The following IL22RA2 variants were observed in gnomAD, a reference collection of about 807,000 sequenced individuals.
IL22RA2 encodes interleukin 22 receptor subunit alpha 2, also known as interleukin-22 receptor subunit alpha-2.
Under a neutral mutation model 30.7 loss-of-function variants are expected in IL22RA2, and 39 were observed. That is an observed-to-expected ratio of 1.27 (90% CI 0.98 to 1.66). The LOEUF (loss-of-function observed/expected upper bound fraction) is 1.66. Ranked by LOEUF, IL22RA2 falls within the 40% of genes most tolerant of loss-of-function variation. The pLI is 0.00. For missense variants in IL22RA2, 315 were observed against 312.7 expected (o/e 1.01, Z -0.05); for synonymous variants, 103 against 105.0 (o/e 0.98, Z 0.11).
chr6:137,162,153 G>A (rs558882008), intron 1 of IL22RA2, among the ~76,000 whole-genome samples: 25 of 152,260 alleles, frequency 1.6e-4, no homozygotes, highest in African/African-American at 2.4e-4. Flanking sequence ...CCCAGGAGGC[G>A]GAGAGGCTGC....
At chr6:137,145,954 G>A (rs1437744273) in intron 6 of IL22RA2, among the ~76,000 whole-genome samples, 181 bp from the exon 7 acceptor site, 1 of 152,234 alleles carries the variant, frequency 6.6e-6, no homozygotes, top group Admixed American at 6.5e-5. Flanking sequence ...GACAAGGCAA[G>A]TGGCTGTGTA....
chr6:137,163,432 C>A (rs1778564206), intron 1 of IL22RA2, among the ~76,000 whole-genome samples: 1 of 152,140 alleles, frequency 6.6e-6, no homozygotes, highest in Non-Finnish European at 1.5e-5. Context: ...TGGGTTAGAG[C>A]CCCAGGACAT....
intron 1 of IL22RA2, among the ~76,000 whole-genome samples, chr6:137,168,564 GGA>G (rs1276796949): frequency 6.6e-6 from 1 of 152,162 alleles, no homozygotes; most frequent in Non-Finnish European, 1.5e-5. Flanking sequence ...GGCCATAATA[GGA>G]GAGTCCGAAA....
chr6:137,168,913 C>A (rs1778678759), intron 1 of IL22RA2, among the ~76,000 whole-genome samples: 1 of 152,148 alleles, frequency 6.6e-6, no homozygotes, highest in Non-Finnish European at 1.5e-5. Context: ...TCTGAAGTAT[C>A]AAAAATTCAA....
intron 1 of IL22RA2, among the ~76,000 whole-genome samples, chr6:137,164,283 C>T (rs181688669): frequency 9.2e-5 from 14 of 152,190 alleles, no homozygotes; most frequent in South Asian, 6.2e-4. Context: ...GATAATTGGC[C>T]GAGTGTTTCG....
In IL22RA2 at chr6:137,167,859, C is replaced by T. The variant is rs991446972; in HGVS notation, c.-66+5554G>A. ...GCACGGCTGAAGCTTGAGGAAACATCGAGCCCTGTTCTAGTCACACAAATG... is the reference window on the plus strand; with the variant it reads ...GCACGGCTGAAGCTTGAGGAAACATTGAGCCCTGTTCTAGTCACACAAATG... On this transcript the variant is annotated intron_variant, in intron 1 of 6. Transcript: ENST00000296980. 9.8e-5 allele frequency among the ~76,000 whole-genome samples: 15 copies of T among 152,310 alleles called. No individual in the cohort carries two copies. The South Asian group carries it at 2.3e-3, about 23-fold the overall frequency.
At chr6:137,153,427 A>G (rs746373260) in intron 5 of IL22RA2, among the ~76,000 whole-genome samples, 4 of 152,134 alleles carry the variant, frequency 2.6e-5, no homozygotes, top group Non-Finnish European at 5.9e-5. Context: ...ATATGGTGCT[A>G]TTTCTTCCAC....
intron 1 of IL22RA2, among the ~76,000 whole-genome samples, chr6:137,172,509 G>A (rs2114406019): frequency 6.6e-6 from 1 of 152,352 alleles, no homozygotes; most frequent in Middle Eastern, 3.4e-3. Flanking sequence ...CAATCTGGAA[G>A]CAGAAGAATT....
Position 137,158,345 on chromosome 6 carries a change from A to T in IL22RA2, c.197+2T>A. The T allele has an allele frequency of 6.2e-7, 1 of 1,613,988 alleles. No individual in the cohort carries two copies. On this transcript the variant is annotated splice_donor_variant, in intron 3 of 6. Coordinates refer to ENST00000296980, the MANE Select transcript of IL22RA2 (RefSeq NM_052962.3). LOFTEE classifies it high-confidence loss of function. ...CAGCTGAAGGAGGCTCAATTTACTT[A>T]CATTTTGTACTGCACAAAATAGACA...
At chr6:137,169,144 T>C (rs1161318839) in intron 1 of IL22RA2, among the ~76,000 whole-genome samples, 8 of 152,246 alleles carry the variant, frequency 5.3e-5, no homozygotes, top group Non-Finnish European at 1.2e-4. Context: ...AACCCCATCA[T>C]TGGAAAATAC....
Position 137,154,887 on chromosome 6 carries a change from G to A in IL22RA2, c.472+54C>T, listed in dbSNP as rs142833478. 2.0e-6 allele frequency: 3 copies of A among 1,510,608 alleles called. No individual in the cohort carries two copies. The East Asian group carries it at 6.8e-5, about 34-fold the overall frequency. The allele number at this position is 1,510,608 out of a possible 1,614,324, so 93.6% of individuals were successfully genotyped here. ...GGCCTAGTCACTAGCCGTGCTCCGG[G>A]AGGGCTGTCCAAAAGCAGGAAGAAC... On this transcript the variant is annotated intron_variant, in intron 5 of 6. Transcript: ENST00000296980.
intron 5 of IL22RA2, among the ~76,000 whole-genome samples, chr6:137,154,101 G>A (rs145211253): frequency 6.6e-6 from 1 of 151,674 alleles, no homozygotes; most frequent in East Asian, 1.9e-4. Context: ...TAACACCTAT[G>A]TCTTAGATTA....
In IL22RA2 at chr6:137,161,825, CACAA is replaced by C. The variant is rs1428211709; in HGVS notation, c.-65-15_-65-12del. The C allele has an allele frequency of 7.9e-6, 9 of 1,132,176 alleles. No individual in the cohort carries two copies. Among genetic ancestry groups the C allele is most frequent in the Admixed American group, 3.8e-5 (2 of 52,378 alleles). 70.1% of individuals were successfully genotyped at this position (1,132,176 alleles called of 1,614,324 possible). On this transcript the variant is annotated splice_polypyrimidine_tract_variant and intron_variant, in intron 1 of 6. Coordinates refer to ENST00000296980, the MANE Select transcript of IL22RA2 (RefSeq NM_052962.3). ...GGACCAAAGAGGAAACTGTAAAATC[CACAA>C]ACAGACAATCACTCCCGGGTTTAAG...
intron 5 of IL22RA2, among the ~76,000 whole-genome samples, chr6:137,154,670 G>A (rs948110148): frequency 2.6e-5 from 4 of 151,850 alleles, no homozygotes; most frequent in African/African-American, 9.7e-5. Flanking sequence ...TGGAGTGGAG[G>A]CTCTGCAGTC....
Position 137,147,728 on chromosome 6 carries a change from T to G in IL22RA2, c.636A>C (p.Leu212=). Reference sequence around the variant, plus strand: ...TCTATTCATCTGAACTTACCTTTTCTAGTGAATTGTTAATTATAAAAACTC... The same window carrying G: ...TCTATTCATCTGAACTTACCTTTTCGAGTGAATTGTTAATTATAAAAACTC... ...LYRVFIINNS[L]EKEQKVYEGA... Residue 212 remains leucine (L), a synonymous_variant, in exon 6 of 7, where the codon CTA becomes CTC. Transcript: ENST00000296980. The G allele has an allele frequency of 5.2e-6, 8 of 1,537,076 alleles. No homozygotes were observed. Among genetic ancestry groups the G allele is most frequent in the Non-Finnish European group, 7.1e-6 (8 of 1,125,766 alleles).
Position 137,145,350 on chromosome 6 carries a change from A to T in IL22RA2, c.*274T>A, listed in dbSNP as rs1778155694. ...TGAAGGTTGTTATTAGGGATGTTAC[A>T]TTCAGAAATAAAGTTCTGAATTTCA... is the stretch of plus-strand genomic sequence containing the variant. On this transcript the variant is annotated 3_prime_UTR_variant, in exon 7 of 7. Transcript: ENST00000296980. 7.3e-6 allele frequency: 2 copies of T among 273,004 alleles called. No homozygotes were observed. The highest frequency in any genetic ancestry group is 1.4e-5 in the Non-Finnish European group (2 of 147,528). 16.9% of individuals were successfully genotyped at this position (273,004 alleles called of 1,614,324 possible).
intron 3 of IL22RA2, among the ~76,000 whole-genome samples, chr6:137,157,541 A>G (rs1562271138): frequency 6.6e-6 from 1 of 152,168 alleles, no homozygotes; most frequent in Non-Finnish European, 1.5e-5. Context: ...AGAGACATGG[A>G]TGAATTTATG....
intron 5 of IL22RA2, among the ~76,000 whole-genome samples, chr6:137,153,284 G>A (rs12207422): frequency 5.5e-4 from 83 of 152,094 alleles, no homozygotes; most frequent in Non-Finnish European, 8.8e-4. Context: ...TATATTTGTC[G>A]CTCAGAAATC....
At chr6:137,172,489 A>C (rs1487041365) in intron 1 of IL22RA2, among the ~76,000 whole-genome samples, 1 of 152,234 alleles carries the variant, frequency 6.6e-6, no homozygotes, top group East Asian at 1.9e-4. Flanking sequence ...ATTAAATTCT[A>C]ATTTCCCATC....
Sources: allele counts gnomAD v4.1 joint callset (sites outside exome capture counted in the v4.1 genomes callset), GRCh38; gene constraint gnomAD v4.1.1; transcripts MANE v1.5; gene names NCBI Gene and HGNC (gene_info 2026-07-23, HGNC 2026-07-21).